The following NUDCD1 variants were observed in gnomAD, a reference collection of about 807,000 sequenced individuals.
NUDCD1 encodes the protein NudC domain containing 1, also known as nudC domain-containing protein 1.
NUDCD1 carries 60 observed loss-of-function variants against 67.8 expected under a neutral mutation model. That is an observed-to-expected ratio of 0.88 (90% CI 0.72 to 1.10). NUDCD1 has a LOEUF of 1.10. Among genes scored for constraint, NUDCD1 ranks in the 50% least tolerant of loss-of-function variants. NUDCD1 has a pLI of 0.00. For missense variants in NUDCD1, 643 were observed against 695.0 expected, an observed-to-expected ratio of 0.93 and a Z score of 0.84; for synonymous variants, 244 against 230.8, an observed-to-expected ratio of 1.06 and a Z score of -0.52.
intron 3 of NUDCD1, among the ~76,000 whole-genome samples, chr8:109,294,454 C>A (rs983342173): frequency 6.6e-6 from 1 of 151,408 alleles, no homozygotes; most frequent in African/African-American, 2.4e-5. Context: ...ATATTCAAAA[C>A]AGAGATGACA....
chr8:109,323,795 C>T (rs553837116), intron 1 of NUDCD1, among the ~76,000 whole-genome samples: 1 of 152,256 alleles, frequency 6.6e-6, no homozygotes, highest in African/African-American at 2.4e-5. Flanking sequence ...ATGTAGCCAA[C>T]TGATTTTTGA....
At chr8:109,303,882 C>A (rs1405710676) in intron 2 of NUDCD1, among the ~76,000 whole-genome samples, 9 of 152,114 alleles carry the variant, frequency 5.9e-5, no homozygotes, top group Non-Finnish European at 1.3e-4. Flanking sequence ...TATAAACTCT[C>A]CTTACGATTC....
chr8:109,256,388 A>T (rs1156399181), intron 8 of NUDCD1, among the ~76,000 whole-genome samples: 3 of 152,188 alleles, frequency 2.0e-5, no homozygotes. Context: ...ATTAGAGTAC[A>T]TCTCATACAA....
At chr8:109,263,126 T>C (rs1306584489) in intron 8 of NUDCD1, among the ~76,000 whole-genome samples, 1 of 149,738 alleles carries the variant, frequency 6.7e-6, no homozygotes, top group Non-Finnish European at 1.5e-5. Context: ...CATTTTACAC[T>C]GAAGGCTGCC....
At chr8:109,319,320 CACTT>C (rs1236595906) in intron 2 of NUDCD1, among the ~76,000 whole-genome samples, 2 of 152,164 alleles carry the variant, frequency 1.3e-5, no homozygotes, top group Non-Finnish European at 2.9e-5. Context: ...CGGCCACACT[CACTT>C]GCTTATAAAC....
chr8:109,260,754 A>C (rs572796588), intron 8 of NUDCD1, among the ~76,000 whole-genome samples: 85 of 152,264 alleles, frequency 5.6e-4, no homozygotes, highest in Non-Finnish European at 4.7e-4. Flanking sequence ...TCTGAATCTC[A>C]AAAGAACCAT....
intron 2 of NUDCD1, among the ~76,000 whole-genome samples, chr8:109,312,714 A>T (rs1188699559): frequency 6.6e-6 from 1 of 152,190 alleles, no homozygotes; most frequent in Non-Finnish European, 1.5e-5. Context: ...CATTACGGAG[A>T]AGGCCTAGCA....
At chr8:109,286,205 A>G (rs1439669141) in intron 5 of NUDCD1, among the ~76,000 whole-genome samples, 1 of 152,164 alleles carries the variant, frequency 6.6e-6, no homozygotes, top group African/African-American at 2.4e-5. Flanking sequence ...GGAATAATCA[A>G]TATCATTAAA....
intron 2 of NUDCD1, among the ~76,000 whole-genome samples, chr8:109,319,361 C>T (rs577131459): frequency 6.6e-6 from 1 of 152,314 alleles, no homozygotes; most frequent in South Asian, 2.1e-4. Flanking sequence ...CACACTACAA[C>T]AGCAAAAGCG....
intron 3 of NUDCD1, among the ~76,000 whole-genome samples, chr8:109,295,834 T>C (rs1814830279): frequency 1.3e-5 from 2 of 152,120 alleles, no homozygotes; most frequent in South Asian, 4.1e-4. Context: ...TCTAGAGAAA[T>C]TAATTCCTTA....
intron 1 of NUDCD1, among the ~76,000 whole-genome samples, chr8:109,331,850 G>T (rs551868272): frequency 5.9e-4 from 90 of 152,308 alleles, no homozygotes; most frequent in Non-Finnish European, 1.1e-3. Flanking sequence ...AAAAATGTCA[G>T]GGAAACACTG....
At chr8:109,300,332 A>G (rs1288801162) in intron 2 of NUDCD1, among the ~76,000 whole-genome samples, 1 of 96,260 alleles carries the variant, frequency 1.0e-5, no homozygotes, top group African/African-American at 6.5e-5. Context: ...GCAAAGCCCA[A>G]CGTAAGGAAA....
chr8:109,291,310 T>C lies in NUDCD1; in HGVS notation c.641-1377A>G, dbSNP rs576995288. 5.3e-5 allele frequency among the ~76,000 whole-genome samples: 8 copies of C among 152,282 alleles called. No homozygotes were observed. In the South Asian group the frequency reaches 1.7e-3, roughly 32 times the overall value. On this transcript the variant is annotated intron_variant, in intron 4 of 9. Coordinates refer to ENST00000239690, the MANE Select transcript of NUDCD1 (RefSeq NM_032869.4). The stretch of plus-strand genomic sequence containing the variant: ...GGTGCACAACACCATGCCGAGCTAA[T>C]GTTTCTGTAATTTTTGTAGAGACGG...
In NUDCD1 at chr8:109,271,035, A is replaced by C; in HGVS notation, c.1269T>G (p.Phe423Leu). ...FFEESSSLCR[F>L]DGNTLKTTHV... ...GAGTAGTTTTTAATGTATTGCCATC[A>C]AATCTGCATAAACTGGAGCTCTCTT... The change falls in exon 8 of 10, where the codon TTT (phenylalanine) becomes TTG (leucine). Residue 423 changes from phenylalanine to leucine, a missense_variant. Transcript: ENST00000239690. 6.3e-7 allele frequency: 1 copy of C among 1,594,316 alleles called. No homozygotes were observed.
chr8:109,245,848 G>A (rs1044001335), intron 8 of NUDCD1, among the ~76,000 whole-genome samples: 19 of 152,136 alleles, frequency 1.2e-4, no homozygotes, highest in Admixed American at 7.2e-4. Flanking sequence ...TCACTGAGCC[G>A]CAGACTGGTA....
chr8:109,280,812 T>G (rs1814417093), intron 6 of NUDCD1, among the ~76,000 whole-genome samples, 156 bp downstream of exon 6: 1 of 152,110 alleles, frequency 6.6e-6, no homozygotes, highest in Non-Finnish European at 1.5e-5. Flanking sequence ...AATATGCTCT[T>G]TGACACAGTA....
chr8:109,262,432 C>A (rs558123700), intron 8 of NUDCD1, among the ~76,000 whole-genome samples: 1 of 152,250 alleles, frequency 6.6e-6, no homozygotes, highest in South Asian at 2.1e-4. Flanking sequence ...ATTGTTGGTG[C>A]CAAAATAAAC....
intron 8 of NUDCD1, among the ~76,000 whole-genome samples, chr8:109,246,348 G>A (rs143205789): frequency 0.011 from 1,686 of 152,178 alleles, 46 homozygotes; most frequent in African/African-American, 0.039. Flanking sequence ...AACTCGCAAG[G>A]CTATTATTAT....
chr8:109,311,028 A>T (rs140300048), intron 2 of NUDCD1, among the ~76,000 whole-genome samples: 1 of 151,722 alleles, frequency 6.6e-6, no homozygotes, highest in South Asian at 2.1e-4. Flanking sequence ...GTTGGCCAGG[A>T]CGGTCTCAAT....
Sources: gnomAD v4.1 joint callset for allele counts (sites outside exome capture counted in the v4.1 genomes callset) on GRCh38, gnomAD v4.1.1 for gene constraint, MANE v1.5 for transcripts, NCBI Gene and HGNC (gene_info 2026-07-23, HGNC 2026-07-21) for gene names.